The following CELF4 variants were observed in gnomAD, a reference collection of about 807,000 sequenced individuals.
CELF4 encodes the protein CUG-BP- and ETR-3-like factor 4.
CELF4 carries 18 observed loss-of-function variants against 59.9 expected under a neutral mutation model. That is an observed-to-expected ratio of 0.30 (90% confidence interval 0.21 to 0.45). The LOEUF (loss-of-function observed/expected upper bound fraction) is 0.45. CELF4 is among the 20% of genes least tolerant of loss of function. CELF4 has a pLI of 1.00. For synonymous variants in CELF4, 261 were observed against 267.1 expected, an observed-to-expected ratio of 0.98 and a Z score of 0.22; for missense variants, 456 against 689.0, an observed-to-expected ratio of 0.66 and a Z score of 3.79.
intron 3 of CELF4, among the ~76,000 whole-genome samples, chr18:37,314,878 A>G (rs2096809409): frequency 6.6e-6 from 1 of 151,926 alleles, no homozygotes; most frequent in Non-Finnish European, 1.5e-5. Flanking sequence ...ATAGGCTCCC[A>G]TTGACCAGGG....
At chr18:37,314,606 C>T (rs1199953894) in intron 3 of CELF4, among the ~76,000 whole-genome samples, 1 of 152,180 alleles carries the variant, frequency 6.6e-6, no homozygotes, top group Non-Finnish European at 1.5e-5. Flanking sequence ...GATGTTCATT[C>T]ACCCTCTGAA....
chr18:37,422,854 T>C (rs185989132), intron 2 of CELF4, among the ~76,000 whole-genome samples: 76 of 152,308 alleles, frequency 5.0e-4, no homozygotes, highest in Admixed American at 9.2e-4. Flanking sequence ...CTCGTCCTAT[T>C]TCCCCAGCAG....
chr18:37,257,198 G>A (rs570302495), intron 11 of CELF4, among the ~76,000 whole-genome samples: 8 of 152,304 alleles, frequency 5.3e-5, no homozygotes, highest in Admixed American at 1.3e-4. Context: ...ACCCACACCC[G>A]GGATGGTGCA....
intron 2 of CELF4, among the ~76,000 whole-genome samples, chr18:37,420,951 C>T (rs952442325): frequency 7.2e-5 from 11 of 152,340 alleles, no homozygotes; most frequent in Middle Eastern, 3.4e-3. Context: ...CCATCCAATT[C>T]AGGTAAGAAC....
intron 2 of CELF4, among the ~76,000 whole-genome samples, chr18:37,352,890 C>T (rs1486087412): frequency 1.3e-5 from 2 of 152,060 alleles, no homozygotes; most frequent in Non-Finnish European, 2.9e-5. Context: ...CAGCGCCTTG[C>T]CATTGGTGCC....
At chr18:37,312,670 T>G (rs2096718439) in intron 3 of CELF4, among the ~76,000 whole-genome samples, 1 of 152,160 alleles carries the variant, frequency 6.6e-6, no homozygotes, top group Non-Finnish European at 1.5e-5. Flanking sequence ...GTTGTTTTAC[T>G]TCTTAAAAAT....
Position 37,254,466 on chromosome 18 carries a change from G to A in CELF4, c.1334-528C>T, listed in dbSNP as rs1600333401. Among the ~76,000 whole-genome samples, 2 of 150,228 alleles carry A rather than the reference G, an allele frequency of 1.3e-5. No individual in the cohort carries two copies. The highest frequency in any genetic ancestry group is 3.0e-5 in the Non-Finnish European group (2 of 67,460). On this transcript the variant is annotated intron_variant, in intron 11 of 12. Coordinates refer to ENST00000420428, the MANE Select transcript of CELF4 (RefSeq NM_020180.4). The surrounding 1 kb of genome is among the most constrained non-coding windows in gnomAD (Gnocchi z 5.1). ...CACCGCCGGCCCGGCCGCCCCCCTC[G>A]CCACCGCAGGTGCCCGGCTGTCGGA...
At chr18:37,519,799 C>T (rs557980954) in intron 1 of CELF4, among the ~76,000 whole-genome samples, 1 of 152,300 alleles carries the variant, frequency 6.6e-6, no homozygotes. Flanking sequence ...TGTGGATGTA[C>T]ATAAACTCCA....
chr18:37,438,905 G>A (rs1423040548), intron 2 of CELF4, among the ~76,000 whole-genome samples: 1 of 152,116 alleles, frequency 6.6e-6, no homozygotes, highest in African/African-American at 2.4e-5. Flanking sequence ...GTTAGGATTA[G>A]GTAAGTGTTT....
At chr18:37,530,797 G>T (rs1320829250) in intron 1 of CELF4, among the ~76,000 whole-genome samples, 3 of 151,890 alleles carry the variant, frequency 2.0e-5, no homozygotes, top group Non-Finnish European at 4.4e-5. Context: ...AATCTTCTCT[G>T]GGTTTAGGAT....
At chr18:37,553,249 C>G (rs2154605973) in intron 1 of CELF4, among the ~76,000 whole-genome samples, 1 of 152,124 alleles carries the variant, frequency 6.6e-6, no homozygotes, top group East Asian at 1.9e-4. Flanking sequence ...TACTCTGTGT[C>G]TTTGTCACTC....
At position 37,274,459 on chromosome 18, in the gene CELF4, G is replaced by A; in HGVS notation, c.658-5C>T. ...CACCAGACTGGACGAGGCTCCCTGC[G>A]GCCGGGGCGGCGCGTGAGACCCACC... On this transcript the variant is annotated splice_polypyrimidine_tract_variant and splice_region_variant and intron_variant, in intron 5 of 12. Coordinates refer to ENST00000420428, the MANE Select transcript of CELF4 (RefSeq NM_020180.4). The A allele has an allele frequency of 6.2e-7, 1 of 1,612,344 alleles. No homozygotes were observed. Among genetic ancestry groups the A allele is most frequent in the Non-Finnish European group, 8.5e-7 (1 of 1,179,572 alleles).
intron 1 of CELF4, among the ~76,000 whole-genome samples, chr18:37,529,356 T>C (rs2099967076): frequency 6.6e-6 from 1 of 152,218 alleles, no homozygotes; most frequent in Non-Finnish European, 1.5e-5. Context: ...TCCAGTGCTC[T>C]GACCCAGACT....
At chr18:37,493,914 A>G (rs547884010) in intron 1 of CELF4, among the ~76,000 whole-genome samples, 3 of 152,316 alleles carry the variant, frequency 2.0e-5, no homozygotes, top group African/African-American at 7.2e-5. Context: ...TCTGTGTGGT[A>G]TGGGAAAATA....
At chr18:37,268,287 C>T (rs915253065) in intron 8 of CELF4, among the ~76,000 whole-genome samples, 2 of 152,114 alleles carry the variant, frequency 1.3e-5, no homozygotes, top group African/African-American at 2.4e-5. Context: ...TAGAGACTGG[C>T]GCTGAGGGCT....
intron 1 of CELF4, among the ~76,000 whole-genome samples, chr18:37,529,576 T>C (rs1340960303): frequency 2.0e-5 from 3 of 152,048 alleles, no homozygotes; most frequent in Admixed American, 6.5e-5. Flanking sequence ...GAAGCTCCAA[T>C]AGGGGAGAGA....
intron 10 of CELF4, among the ~76,000 whole-genome samples, chr18:37,263,510 T>C (rs1465009168): frequency 2.6e-5 from 4 of 152,076 alleles, no homozygotes; most frequent in African/African-American, 7.2e-5. Flanking sequence ...ACCATTTCCA[T>C]AGGGGTAGAG....
intron 2 of CELF4, among the ~76,000 whole-genome samples, chr18:37,452,901 C>T (rs1462996616): frequency 6.6e-6 from 1 of 152,174 alleles, no homozygotes; most frequent in Non-Finnish European, 1.5e-5. Context: ...CCTTCTTAAC[C>T]CTCACACCCC....
chr18:37,274,495 C>G, intron 5 of CELF4, 41 bp from the exon 6 acceptor site: 1 of 1,609,236 alleles, frequency 6.2e-7, no homozygotes, highest in Non-Finnish European at 8.5e-7. Flanking sequence ...TGCTCCAGAG[C>G]CTCCGCCCGC....
Sources: gnomAD v4.1 joint callset for allele counts (sites outside exome capture counted in the v4.1 genomes callset) on GRCh38, gnomAD v4.1.1 for gene constraint, Gnocchi (gnomAD v3.1) non-coding constraint, MANE v1.5 for transcripts, NCBI Gene and HGNC (gene_info 2026-07-23, HGNC 2026-07-21) for gene names.